The following VAV3 variants were observed in gnomAD, a reference collection of about 807,000 sequenced individuals.
VAV3 encodes vav guanine nucleotide exchange factor 3.
VAV3 carries 94 observed loss-of-function variants against 131.2 expected under a neutral mutation model. The observed-to-expected ratio is 0.72, with a 90% CI of 0.61 to 0.85. The LOEUF (loss-of-function observed/expected upper bound fraction) is 0.85. VAV3 is among the 40% of genes least tolerant of loss of function. The probability of loss-of-function intolerance (pLI) is 0.00; values close to 1 mark genes in which losing one functional copy is unlikely to be tolerated. For synonymous variants in VAV3, 349 were observed against 342.0 expected (o/e 1.02, Z -0.22); for missense variants, 939 against 1,002.7 (o/e 0.94, Z 0.86).
chr1:107,900,524 A>G (rs1004220142), intron 1 of VAV3, among the ~76,000 whole-genome samples: 1 of 152,190 alleles, frequency 6.6e-6, no homozygotes, highest in Non-Finnish European at 1.5e-5. Context: ...AGGCCATACC[A>G]TATCAGACCC....
chr1:107,733,562 G>T (rs956495647), intron 15 of VAV3, among the ~76,000 whole-genome samples: 1 of 152,144 alleles, frequency 6.6e-6, no homozygotes, highest in African/African-American at 2.4e-5. Flanking sequence ...TGATGGAGCT[G>T]AAAACCATGG....
chr1:107,615,599 G>C (rs1290943055), intron 21 of VAV3, among the ~76,000 whole-genome samples: 1 of 152,106 alleles, frequency 6.6e-6, no homozygotes, highest in Non-Finnish European at 1.5e-5. Context: ...TTGACAAATG[G>C]GACCTAATTA....
chr1:107,934,806 G>C (rs779304225), intron 1 of VAV3, among the ~76,000 whole-genome samples: 2 of 152,220 alleles, frequency 1.3e-5, no homozygotes, highest in Non-Finnish European at 2.9e-5. Flanking sequence ...GGGGAATTTT[G>C]TGAATCACTG....
chr1:107,920,174 T>C (rs543442468), intron 1 of VAV3, among the ~76,000 whole-genome samples: 37 of 152,234 alleles, frequency 2.4e-4, no homozygotes, highest in Non-Finnish European at 2.9e-4. Context: ...GAAGGGAATG[T>C]AGCATAATGC....
At chr1:107,665,422 C>A (rs1557745239) in intron 19 of VAV3, among the ~76,000 whole-genome samples, 1 of 152,140 alleles carries the variant, frequency 6.6e-6, no homozygotes. Flanking sequence ...ATATCCTTCC[C>A]CACTAGTAGG....
chr1:107,598,708 G>A (rs941089895), intron 24 of VAV3, among the ~76,000 whole-genome samples: 17 of 152,040 alleles, frequency 1.1e-4, no homozygotes, highest in African/African-American at 3.9e-4. Context: ...CATGTTTTGC[G>A]CAGACAAGGT....
chr1:107,804,043 T>C (rs1666949349), intron 2 of VAV3, among the ~76,000 whole-genome samples: 1 of 152,136 alleles, frequency 6.6e-6, no homozygotes. Flanking sequence ...AATCTGTTTA[T>C]CTAAGTATAA....
chr1:107,627,212 A>C (rs6680257), intron 20 of VAV3, among the ~76,000 whole-genome samples: 57,900 of 151,944 alleles, frequency 0.38, 11,538 homozygotes, highest in East Asian at 0.48. Flanking sequence ...GTAAACCCCT[A>C]TCTCTCTTTT....
intron 2 of VAV3, among the ~76,000 whole-genome samples, chr1:107,807,153 G>T (rs1667097618): frequency 6.6e-6 from 1 of 152,168 alleles, no homozygotes; most frequent in Non-Finnish European, 1.5e-5. Flanking sequence ...GTTTCTAGGT[G>T]TCAAAATGAT....
chr1:107,750,993 G>A (rs183999093), intron 13 of VAV3, 124 bp downstream of exon 13: 191 of 874,392 alleles, frequency 2.2e-4, no homozygotes, highest in Non-Finnish European at 3.1e-4. Flanking sequence ...ATCATGGGTT[G>A]GTCTGTCTCC....
intron 2 of VAV3, among the ~76,000 whole-genome samples, chr1:107,870,954 G>T (rs987006996): frequency 6.6e-6 from 1 of 152,076 alleles, no homozygotes; most frequent in African/African-American, 2.4e-5. Flanking sequence ...CTTCTATTAC[G>T]CTCTAGAAAT....
At chr1:107,798,216 T>C (rs1025909131) in intron 2 of VAV3, among the ~76,000 whole-genome samples, 1 of 152,208 alleles carries the variant, frequency 6.6e-6, no homozygotes, top group African/African-American at 2.4e-5. Context: ...TTTGAATATT[T>C]ATTCTAATTT....
intron 2 of VAV3, among the ~76,000 whole-genome samples, chr1:107,800,194 A>G (rs912821330): frequency 6.6e-6 from 1 of 152,282 alleles, no homozygotes; most frequent in Non-Finnish European, 1.5e-5. Context: ...TATTTCCACT[A>G]TTTTGGATAT....
intron 1 of VAV3, among the ~76,000 whole-genome samples, chr1:107,955,701 A>T (rs1023220291): frequency 1.8e-4 from 27 of 150,092 alleles, no homozygotes; most frequent in African/African-American, 6.8e-4. Context: ...ATGCAACAGC[A>T]CAGAGACATT....
At chr1:107,594,501 G>C (rs931808585) in intron 25 of VAV3, among the ~76,000 whole-genome samples, 14 of 152,174 alleles carry the variant, frequency 9.2e-5, no homozygotes, top group Admixed American at 2.6e-4. Context: ...AAAAAGACTG[G>C]ATAGGGAAGT....
intron 19 of VAV3, among the ~76,000 whole-genome samples, chr1:107,667,597 T>TACACAC (rs530296068): frequency 6.6e-6 from 1 of 151,642 alleles, no homozygotes. Flanking sequence ...AGGATTATTA[T>TACACAC]ACACACACAC....
intron 19 of VAV3, among the ~76,000 whole-genome samples, chr1:107,644,902 A>G (rs1174717346): frequency 2.0e-5 from 3 of 150,570 alleles, no homozygotes; most frequent in Non-Finnish European, 4.4e-5. Flanking sequence ...TACAAAGGGT[A>G]CATACTAGTG....
rs1339402359 is a variant in VAV3 at position 107,828,243 on chromosome 1, A to AAGTTGTTT, written c.321+46650_321+46657dup. Among the ~76,000 whole-genome samples, 3 of 152,130 alleles carry AAGTTGTTT rather than the reference A, an allele frequency of 2.0e-5. No individual in the cohort carries two copies. In the East Asian group the frequency reaches 5.8e-4, roughly 29 times the overall value. On this transcript the variant is annotated intron_variant, in intron 2 of 26. Coordinates refer to ENST00000370056, the MANE Select transcript of VAV3 (RefSeq NM_006113.5). ...CGTTAAATATCGAGGAAGAAGAGTC[A>AAGTTGTTT]AGTTGTTTCTGCCTTTCAAGCGTAC...
chr1:107,586,340 TG>T (rs1364413470), intron 25 of VAV3, among the ~76,000 whole-genome samples: 19 of 152,178 alleles, frequency 1.2e-4, no homozygotes, highest in Non-Finnish European at 1.5e-5. Flanking sequence ...GTTGAATGAA[TG>T]CATTAATGAA....
Sources: gnomAD v4.1 joint callset for allele counts (sites outside exome capture counted in the v4.1 genomes callset) on GRCh38, gnomAD v4.1.1 for gene constraint, MANE v1.5 for transcripts, NCBI Gene and HGNC (gene_info 2026-07-23, HGNC 2026-07-21) for gene names.